Variants in RBMS3 observed in about 807,000 individuals in gnomAD.
RBMS3 encodes the protein RNA binding motif single stranded interacting protein 3.
Under a neutral mutation model 66.8 loss-of-function variants are expected in RBMS3, and 27 were observed. That is an observed-to-expected ratio of 0.40 (90% CI 0.30 to 0.56). The LOEUF (loss-of-function observed/expected upper bound fraction) is 0.56, where lower values mean the gene tolerates loss of function less well. Among genes scored for constraint, RBMS3 ranks in the 20% least tolerant of loss-of-function variants. The pLI is 0.40. For missense variants in RBMS3, 513 were observed against 549.5 expected, an observed-to-expected ratio of 0.93 and a Z score of 0.66; for synonymous variants, 188 against 183.0, an observed-to-expected ratio of 1.03 and a Z score of -0.22.
chr3:29,888,220 A>G (rs2059918141), intron 8 of RBMS3, among the ~76,000 whole-genome samples: 1 of 151,798 alleles, frequency 6.6e-6, no homozygotes. Flanking sequence ...AGACATTTAC[A>G]ACAATGAATA....
intron 1 of RBMS3, among the ~76,000 whole-genome samples, chr3:29,352,763 T>C: frequency 6.6e-6 from 1 of 151,998 alleles, no homozygotes; most frequent in East Asian, 1.9e-4. Context: ...CTTCCCACCC[T>C]GTAGTTTCTA....
At chr3:29,655,759 G>T (rs183623024) in intron 4 of RBMS3, among the ~76,000 whole-genome samples, 1 of 152,054 alleles carries the variant, frequency 6.6e-6, no homozygotes, top group Non-Finnish European at 1.5e-5. Flanking sequence ...CCTCAGGCAG[G>T]TCCTTCATGA....
intron 6 of RBMS3, among the ~76,000 whole-genome samples, chr3:29,812,785 G>A (rs556691498): frequency 3.9e-5 from 6 of 152,162 alleles, no homozygotes; most frequent in African/African-American, 1.2e-4. Flanking sequence ...GATGCCTTCT[G>A]GGTGATGGAA....
chr3:29,643,508 G>A (rs1338018276), intron 4 of RBMS3, among the ~76,000 whole-genome samples: 2 of 152,024 alleles, frequency 1.3e-5, no homozygotes, highest in African/African-American at 4.8e-5. Flanking sequence ...TAAGTTTGAC[G>A]AGCTTCTGAC....
At chr3:29,842,591 G>A (rs985374790) in intron 6 of RBMS3, among the ~76,000 whole-genome samples, 2 of 152,078 alleles carry the variant, frequency 1.3e-5, no homozygotes, top group African/African-American at 4.8e-5. Context: ...CCAGTGATAG[G>A]CTAGATAATT....
intron 1 of RBMS3, among the ~76,000 whole-genome samples, chr3:29,316,691 C>T (rs764974829): frequency 2.8e-4 from 43 of 151,354 alleles, no homozygotes; most frequent in South Asian, 6.2e-4. Context: ...GTCCAGGCTC[C>T]GGGCCATACT....
At chr3:29,996,126 T>G (rs937003514) in intron 14 of RBMS3, among the ~76,000 whole-genome samples, 5 of 150,136 alleles carry the variant, frequency 3.3e-5, no homozygotes, top group South Asian at 2.1e-4. Flanking sequence ...TCCTAGTCTC[T>G]GATAAAACAG....
intron 4 of RBMS3, among the ~76,000 whole-genome samples, chr3:29,654,500 C>G (rs2050252182): frequency 7.0e-6 from 1 of 142,232 alleles, no homozygotes; most frequent in African/African-American, 2.6e-5. Context: ...TCAAGAGAAG[C>G]CAGAATACAT....
intron 1 of RBMS3, among the ~76,000 whole-genome samples, chr3:29,418,238 C>T (rs1468971049): frequency 6.6e-6 from 1 of 152,088 alleles, no homozygotes; most frequent in Non-Finnish European, 1.5e-5. Flanking sequence ...CATTCTCAGT[C>T]TTCTAATCAA....
intron 6 of RBMS3, among the ~76,000 whole-genome samples, chr3:29,815,430 T>A (rs2057858024): frequency 1.3e-5 from 2 of 152,174 alleles, no homozygotes; most frequent in Non-Finnish European, 2.9e-5. Flanking sequence ...TATACTATAA[T>A]GTTTAAGAGT....
chr3:29,638,193 A>G (rs111959929), intron 4 of RBMS3, among the ~76,000 whole-genome samples: 12 of 151,694 alleles, frequency 7.9e-5, no homozygotes, highest in African/African-American at 2.7e-4. Flanking sequence ...CAATTTTAAT[A>G]TATCAGAGAA....
chr3:29,369,487 AACACACAC>A (rs59274434), intron 1 of RBMS3, among the ~76,000 whole-genome samples: 12,988 of 135,240 alleles, frequency 0.096, 930 homozygotes, highest in African/African-American at 0.21. Flanking sequence ...ATCACTCCTT[AACACACAC>A]ACACACACAC....
chr3:29,749,046 A>G (rs1175957733), intron 5 of RBMS3, among the ~76,000 whole-genome samples: 3 of 152,136 alleles, frequency 2.0e-5, no homozygotes, highest in Non-Finnish European at 4.4e-5. Flanking sequence ...TATGACTTTA[A>G]TTTTCTCAGA....
chr3:29,713,757 T>C (rs545596692), intron 4 of RBMS3, among the ~76,000 whole-genome samples: 1 of 152,148 alleles, frequency 6.6e-6, no homozygotes, highest in Admixed American at 6.5e-5. Context: ...AAAACTTTGC[T>C]AAAAATCTGT....
At chr3:29,768,330 G>T (rs183841140) in intron 6 of RBMS3, among the ~76,000 whole-genome samples, 1 of 152,050 alleles carries the variant, frequency 6.6e-6, no homozygotes, top group East Asian at 1.9e-4. Flanking sequence ...TTTCTATGGA[G>T]CCACATCTGA....
chr3:29,472,538 C>A (rs917374002), intron 2 of RBMS3, among the ~76,000 whole-genome samples: 1 of 152,064 alleles, frequency 6.6e-6, no homozygotes, highest in Admixed American at 6.5e-5. Flanking sequence ...GTGAGTGTTA[C>A]AACTCTTAAG....
At chr3:29,614,400 CATG>C (rs1350555175) in intron 4 of RBMS3, 1 of 152,044 alleles carries the variant, frequency 6.6e-6, no homozygotes, top group African/African-American at 2.4e-5. Flanking sequence ...TATTGTACAA[CATG>C]ATGATTATTG....
At chr3:29,875,569 A>T (rs555206862) in intron 7 of RBMS3, among the ~76,000 whole-genome samples, 1 of 152,058 alleles carries the variant, frequency 6.6e-6, no homozygotes, top group East Asian at 1.9e-4. Flanking sequence ...GAAAAAAAAA[A>T]CCTGCATCTT....
chr3:29,965,046 A>G (rs1464898371), intron 12 of RBMS3, among the ~76,000 whole-genome samples: 1 of 152,104 alleles, frequency 6.6e-6, no homozygotes, highest in African/African-American at 2.4e-5. Flanking sequence ...AAATGCTGTT[A>G]ATTCATTCAT....
Sources: allele counts gnomAD v4.1 joint callset (sites outside exome capture counted in the v4.1 genomes callset), GRCh38; gene constraint gnomAD v4.1.1; transcripts MANE v1.5; gene names NCBI Gene and HGNC (gene_info 2026-07-23, HGNC 2026-07-21).